Variants in CELF2 observed in about 807,000 individuals in gnomAD.
CELF2 encodes CUGBP Elav-like family member 2.
In CELF2, 8 loss-of-function variants were observed where a neutral mutation model predicts 62.6. The ratio of observed to expected loss-of-function variants is 0.13; its 90% confidence interval spans 0.07 to 0.23. The LOEUF (loss-of-function observed/expected upper bound fraction) is 0.23, where lower values mean the gene tolerates loss of function less well. Ranked by LOEUF, CELF2 falls within the 10% of genes least tolerant of loss-of-function variation. The pLI is 1.00. For synonymous variants in CELF2, 258 were observed against 250.0 expected, an observed-to-expected ratio of 1.03 and a Z score of -0.30; for missense variants, 333 against 671.0, an observed-to-expected ratio of 0.50 and a Z score of 5.56.
rs1357779198 is a variant in CELF2, at chr10:11,302,448, T to C, written c.977-11691T>C. Among the ~76,000 whole-genome samples, 1 of 152,180 alleles carries C rather than the reference T, an allele frequency of 6.6e-6. No homozygotes were observed. The highest frequency in any genetic ancestry group is 1.5e-5 in the Non-Finnish European group (1 of 68,048). ...GTGCCGATGCGGGCGAGGCTGTAAC[T>C]TTACAGTAACGATCTTCTCCATTAA... On this transcript the variant is annotated intron_variant, in intron 9 of 12. Coordinates refer to ENST00000633077, the MANE Select transcript of CELF2 (RefSeq NM_001326342.2). The surrounding 1 kb of genome is among the most constrained non-coding windows in gnomAD (Gnocchi z 5.0).
At chr10:10,606,423 A>G in the CELF2 span, among the ~76,000 whole-genome samples, 1 of 152,222 alleles carries the variant, frequency 6.6e-6, no homozygotes, top group Admixed American at 6.5e-5. Flanking sequence ...AATTAATTAA[A>G]TTAAAGTGGT....
At chr10:10,549,162 T>A in the CELF2 span, among the ~76,000 whole-genome samples, 4 of 152,328 alleles carry the variant, frequency 2.6e-5, no homozygotes, top group South Asian at 8.3e-4. Context: ...GTAAACTAGT[T>A]TGCTTGGGCT....
At chr10:10,679,403 C>T in the CELF2 span, among the ~76,000 whole-genome samples, 1 of 152,144 alleles carries the variant, frequency 6.6e-6, no homozygotes, top group African/African-American at 2.4e-5. Flanking sequence ...CATTCTCCCG[C>T]CTCAGCCTCC....
chr10:10,870,439 A>G (rs1011999681), intron 1 of CELF2, among the ~76,000 whole-genome samples: 1 of 152,184 alleles, frequency 6.6e-6, no homozygotes, highest in Non-Finnish European at 1.5e-5. Flanking sequence ...CTAAGTCTCC[A>G]TAGCAAAGAC....
intron 1 of CELF2, among the ~76,000 whole-genome samples, chr10:11,037,058 C>T (rs535004114): frequency 7.7e-6 from 1 of 129,888 alleles, no homozygotes; most frequent in East Asian, 2.7e-4. Flanking sequence ...TGTATTAGTC[C>T]GTTCTCACAC....
the CELF2 span, among the ~76,000 whole-genome samples, chr10:10,467,283 G>A: frequency 1.3e-5 from 2 of 151,894 alleles, no homozygotes; most frequent in African/African-American, 4.8e-5. Flanking sequence ...TAAAAACCAA[G>A]GGTCAATTTT....
rs397846995 is a variant in CELF2 at position 11,144,900 on chromosome 10, G to GAAAAAAAA, written c.75-20570_75-20563dup. Among the ~76,000 whole-genome samples, 88 of 73,818 alleles carry GAAAAAAAA rather than the reference G, an allele frequency of 1.2e-3. 6 individuals are homozygous for GAAAAAAAA. The highest frequency in any genetic ancestry group is 2.3e-3 in the East Asian group (5 of 2,198). 48.4% of individuals were successfully genotyped at this position (73,818 alleles called of 152,430 possible). ...GAGGGAGACCCTGTCTCAGGAAACAGAAAAAAAAAAAAAAAAAAAAAAAGG... is the reference window on the plus strand; with the variant it reads ...GAGGGAGACCCTGTCTCAGGAAACAGAAAAAAAAAAAAAAAAAAAAAAAAAAAAAAAGG... On this transcript the variant is annotated intron_variant, in intron 1 of 12. Transcript: ENST00000633077.
chr10:11,023,024 C>T (rs187101271), intron 1 of CELF2, among the ~76,000 whole-genome samples: 6 of 152,306 alleles, frequency 3.9e-5, no homozygotes, highest in Admixed American at 3.3e-4. Context: ...CTGCACTTTA[C>T]CCAAACTTAA....
At chr10:11,067,967 C>T (rs558220811) in intron 1 of CELF2, among the ~76,000 whole-genome samples, 25 of 152,194 alleles carry the variant, frequency 1.6e-4, no homozygotes, top group Non-Finnish European at 1.3e-4. Context: ...TCACTGTTGT[C>T]AAGGATCACA....
rs1039642814 is a variant in CELF2 at position 11,268,238 on chromosome 10, A to G, written c.618+1561A>G. Among the ~76,000 whole-genome samples the G allele has an allele frequency of 6.6e-6, 1 of 152,248 alleles. No individual in the cohort carries two copies. The highest frequency in any genetic ancestry group is 2.4e-5 in the African/African-American group (1 of 41,462). Reference sequence around the variant, plus strand: ...GCTGTTAGGGGCAAAAAAATAAAAAAGAAAACTCTTTACTTGTATTATCTT... The same window carrying G: ...GCTGTTAGGGGCAAAAAAATAAAAAGGAAAACTCTTTACTTGTATTATCTT... On this transcript the variant is annotated intron_variant, in intron 6 of 12. Coordinates refer to ENST00000633077, the MANE Select transcript of CELF2 (RefSeq NM_001326342.2). The surrounding 1 kb of genome is among the most constrained non-coding windows in gnomAD (Gnocchi z 4.7).
intron 3 of CELF2, among the ~76,000 whole-genome samples, chr10:11,235,000 G>A (rs1036853181): frequency 4.6e-5 from 7 of 152,116 alleles, no homozygotes; most frequent in African/African-American, 1.7e-4. Flanking sequence ...TACAATCCCT[G>A]CTTCAAACAT....
At chr10:11,018,295 C>T in intron 1 of CELF2, 132 bp downstream of exon 1, 3 of 627,870 alleles carry the variant, frequency 4.8e-6, no homozygotes, top group Non-Finnish European at 4.7e-6. Context: ...CCTCCCTCGG[C>T]CTTCGGAGGC....
chr10:11,184,604 G>A (rs2074337275), intron 2 of CELF2, among the ~76,000 whole-genome samples: 1 of 152,188 alleles, frequency 6.6e-6, no homozygotes, highest in Admixed American at 6.5e-5. Context: ...GCCATGAACA[G>A]GACCTTGCAT....
At chr10:11,129,728 C>T (rs888103187) in intron 1 of CELF2, among the ~76,000 whole-genome samples, 2 of 152,106 alleles carry the variant, frequency 1.3e-5, no homozygotes, top group Non-Finnish European at 2.9e-5. Flanking sequence ...GTGATATCCC[C>T]GTTATCATTT....
chr10:10,500,201 C>T, the CELF2 span, among the ~76,000 whole-genome samples: 1 of 152,102 alleles, frequency 6.6e-6, no homozygotes, highest in East Asian at 1.9e-4. Context: ...TTACAGTATT[C>T]CCATTTTTTA....
the CELF2 span, among the ~76,000 whole-genome samples, chr10:10,684,100 G>A: frequency 1.2e-3 from 179 of 152,302 alleles, no homozygotes; most frequent in African/African-American, 4.1e-3. Context: ...ACATATCACA[G>A]GGATTCCTAC....
the CELF2 span, among the ~76,000 whole-genome samples, chr10:10,619,672 T>C: frequency 6.6e-6 from 1 of 152,154 alleles, no homozygotes; most frequent in African/African-American, 2.4e-5. Context: ...TGTGCGCTGA[T>C]GGGAATTCAG....
intron 2 of CELF2, among the ~76,000 whole-genome samples, chr10:11,189,696 G>A (rs999877480): frequency 6.6e-6 from 1 of 152,188 alleles, no homozygotes; most frequent in Non-Finnish European, 1.5e-5. Flanking sequence ...TCAGGCAAGA[G>A]GACTGTCCAT....
At chr10:11,073,079 A>T (rs1375331362) in intron 1 of CELF2, among the ~76,000 whole-genome samples, 1 of 152,152 alleles carries the variant, frequency 6.6e-6, no homozygotes, top group African/African-American at 2.4e-5. Context: ...AATATAAATA[A>T]TGCTAATATA....
Sources: allele counts gnomAD v4.1 joint callset (sites outside exome capture counted in the v4.1 genomes callset), GRCh38; gene constraint gnomAD v4.1.1; non-coding constraint Gnocchi (gnomAD v3.1); transcripts MANE v1.5; gene names NCBI Gene and HGNC (gene_info 2026-07-23, HGNC 2026-07-21).